Variants in SYNDIG1 observed in about 807,000 individuals in gnomAD.
SYNDIG1 encodes the protein synapse differentiation inducing 1.
A neutral mutation model predicts 19.4 loss-of-function variants in SYNDIG1; 9 were observed. The ratio of observed to expected loss-of-function variants is 0.46; its 90% CI spans 0.28 to 0.81. The LOEUF is 0.81. Among genes scored for constraint, SYNDIG1 ranks in the 30% least tolerant of loss-of-function variants. The probability of loss-of-function intolerance (pLI) is 0.12; values close to 1 mark genes in which losing one functional copy is unlikely to be tolerated. For missense variants in SYNDIG1, 311 were observed against 343.3 expected (o/e 0.91, Z 0.74); for synonymous variants, 141 against 145.9 (o/e 0.97, Z 0.24).
chr20:24,550,788 G>A (rs890254682), intron 2 of SYNDIG1, among the ~76,000 whole-genome samples: 1 of 152,168 alleles, frequency 6.6e-6, no homozygotes, highest in African/African-American at 2.4e-5. Flanking sequence ...GGGATTACAG[G>A]TGTGAGCCAC....
intron 2 of SYNDIG1, among the ~76,000 whole-genome samples, chr20:24,576,815 C>T (rs955242248): frequency 6.6e-5 from 10 of 152,116 alleles, no homozygotes; most frequent in Admixed American, 2.6e-4. Context: ...CCAGCATGGA[C>T]GTCCGTAAGG....
At chr20:24,552,373 T>A (rs564842122) in intron 2 of SYNDIG1, among the ~76,000 whole-genome samples, 1 of 152,072 alleles carries the variant, frequency 6.6e-6, no homozygotes, top group African/African-American at 2.4e-5. Flanking sequence ...TAGTTACATA[T>A]GTATACATGT....
intron 3 of SYNDIG1, among the ~76,000 whole-genome samples, chr20:24,644,876 T>C (rs1476424251): frequency 6.6e-6 from 1 of 152,216 alleles, no homozygotes; most frequent in African/African-American, 2.4e-5. Context: ...TCCTAGGTAC[T>C]GTTCTGAAGA....
chr20:24,618,186 G>C (rs950079509), intron 3 of SYNDIG1, among the ~76,000 whole-genome samples: 2 of 145,476 alleles, frequency 1.4e-5, no homozygotes, highest in Non-Finnish European at 3.1e-5. Context: ...CCTGGGGAAG[G>C]GGGAGAGCCT....
At chr20:24,519,356 T>C (rs1012885315) in intron 1 of SYNDIG1, among the ~76,000 whole-genome samples, 64 of 152,244 alleles carry the variant, frequency 4.2e-4, no homozygotes, top group African/African-American at 1.5e-3. Flanking sequence ...CTTTTTGTTT[T>C]TATGCTTTTG....
At chr20:24,650,630 C>T (rs1242849804) in intron 3 of SYNDIG1, among the ~76,000 whole-genome samples, 1 of 152,226 alleles carries the variant, frequency 6.6e-6, no homozygotes, top group Non-Finnish European at 1.5e-5. Context: ...GAATTCAGAG[C>T]ACCAGCCCAG....
chr20:24,524,578 G>A (rs1051945886), intron 1 of SYNDIG1, among the ~76,000 whole-genome samples: 1 of 151,870 alleles, frequency 6.6e-6, no homozygotes, highest in Non-Finnish European at 1.5e-5. Flanking sequence ...CCCGGGAGGC[G>A]GAGCTTACAG....
intron 2 of SYNDIG1, among the ~76,000 whole-genome samples, chr20:24,566,083 G>A (rs943046052): frequency 6.6e-6 from 1 of 152,160 alleles, no homozygotes; most frequent in Non-Finnish European, 1.5e-5. Flanking sequence ...GAGTGAGTGG[G>A]GAATTCATGC....
At chr20:24,633,604 G>T (rs1002108419) in intron 3 of SYNDIG1, among the ~76,000 whole-genome samples, 24 of 152,058 alleles carry the variant, frequency 1.6e-4, no homozygotes, top group African/African-American at 4.8e-4. Context: ...CTTTTTTCCA[G>T]TTCGCAAGGG....
At chr20:24,642,102 T>A (rs1272884836) in intron 3 of SYNDIG1, among the ~76,000 whole-genome samples, 1 of 152,244 alleles carries the variant, frequency 6.6e-6, no homozygotes, top group Non-Finnish European at 1.5e-5. Context: ...CAAGGTCCCA[T>A]CCAAGAAACC....
At chr20:24,647,396 G>T (rs1390452476) in intron 3 of SYNDIG1, among the ~76,000 whole-genome samples, 1 of 152,098 alleles carries the variant, frequency 6.6e-6, no homozygotes, top group African/African-American at 2.4e-5. Flanking sequence ...ATGCCATCAA[G>T]TCACGCTTCA....
intron 3 of SYNDIG1, among the ~76,000 whole-genome samples, chr20:24,631,116 C>G (rs2059236380): frequency 6.6e-6 from 1 of 152,200 alleles, no homozygotes; most frequent in Non-Finnish European, 1.5e-5. Flanking sequence ...AGCTGGGGAG[C>G]CTCTACTTTG....
At chr20:24,547,527 G>C (rs1413451029) in intron 2 of SYNDIG1, among the ~76,000 whole-genome samples, 2 of 152,156 alleles carry the variant, frequency 1.3e-5, no homozygotes, top group Admixed American at 1.3e-4. Context: ...GGGCTTTGCG[G>C]GAGTGCAGAG....
intron 3 of SYNDIG1, among the ~76,000 whole-genome samples, chr20:24,604,697 C>G (rs1159281255): frequency 1.3e-5 from 2 of 152,178 alleles, no homozygotes; most frequent in East Asian, 3.9e-4. Context: ...ACCAGCAGCC[C>G]TCCCTTGGGG....
chr20:24,613,938 C>T (rs1381459203), intron 3 of SYNDIG1, among the ~76,000 whole-genome samples: 4 of 152,166 alleles, frequency 2.6e-5, no homozygotes, highest in Non-Finnish European at 5.9e-5. Context: ...GTTACCAGTG[C>T]TGGGTGAGGC....
At chr20:24,613,756 C>T (rs535791940) in intron 3 of SYNDIG1, among the ~76,000 whole-genome samples, 100 of 152,326 alleles carry the variant, frequency 6.6e-4, no homozygotes, top group African/African-American at 2.3e-3. Flanking sequence ...CTTCAGGGAA[C>T]ATTCCCAGCT....
Position 24,508,218 on chromosome 20 carries a change from A to ATTTTTT in SYNDIG1, c.-78-34779_-78-34774dup, listed in dbSNP as rs34436263. Among the ~76,000 whole-genome samples, 283 of 73,238 alleles carry ATTTTTT rather than the reference A, an allele frequency of 3.9e-3. 55 individuals carry two copies. Among genetic ancestry groups the ATTTTTT allele is most frequent in the African/African-American group, 0.014 (235 of 16,528 alleles). 48.0% of individuals were successfully genotyped at this position (73,238 alleles called of 152,430 possible). Reference sequence around the variant, plus strand: ...TGGAAAATTAAAATTAAGGAGGATAATTTTTTTTTTTTTTTTTTTTTTTTT... The same window carrying ATTTTTT: ...TGGAAAATTAAAATTAAGGAGGATAATTTTTTTTTTTTTTTTTTTTTTTTTTTTTTT... On this transcript the variant is annotated intron_variant, in intron 1 of 3. Coordinates refer to ENST00000376862, the MANE Select transcript of SYNDIG1 (RefSeq NM_024893.3).
At chr20:24,543,653 C>A in intron 2 of SYNDIG1, 76 bp downstream of exon 2, 1 of 1,537,382 alleles carries the variant, frequency 6.5e-7, no homozygotes, top group Non-Finnish European at 8.7e-7. Context: ...GCCATGAATG[C>A]CTGGCAAAAG....
At chr20:24,472,747 G>T (rs1424387558) in intron 1 of SYNDIG1, among the ~76,000 whole-genome samples, 5 of 152,160 alleles carry the variant, frequency 3.3e-5, no homozygotes, top group African/African-American at 9.7e-5. Context: ...GGGAGGGGAG[G>T]CCCTCCCTCC....
Sources: gnomAD v4.1 joint callset for allele counts (sites outside exome capture counted in the v4.1 genomes callset) on GRCh38, gnomAD v4.1.1 for gene constraint, MANE v1.5 for transcripts, NCBI Gene and HGNC (gene_info 2026-07-23, HGNC 2026-07-21) for gene names.